DDX20: variants seen among roughly 807,000 people sequenced by gnomAD.
DDX20 encodes probable ATP-dependent RNA helicase DDX20.
A neutral mutation model predicts 76.4 loss-of-function variants in DDX20; 61 were observed. That is an observed-to-expected ratio of 0.80 (90% CI 0.65 to 0.99). DDX20 has a LOEUF of 0.99. Among genes scored for constraint, DDX20 ranks in the 50% least tolerant of loss-of-function variants. The pLI is 0.00. For missense variants in DDX20, 976 were observed against 996.8 expected (o/e 0.98, Z 0.28); for synonymous variants, 357 against 357.4 (o/e 1.00, Z 0.01).
At chr1:111,756,255 G>C (rs1663551113) in intron 1 of DDX20, 30 bp downstream of exon 1, 1 of 1,344,554 alleles carries the variant, frequency 7.4e-7, no homozygotes, top group East Asian at 2.9e-5. Flanking sequence ...ATAGGTCGGG[G>C]GGTGGGGTGG....
intron 3 of DDX20, 112 bp downstream of exon 3, chr1:111,759,680 G>C: frequency 1.6e-6 from 2 of 1,220,402 alleles, no homozygotes; most frequent in Non-Finnish European, 2.3e-6. Flanking sequence ...ATTTTGATTA[G>C]AAATGAAGAG....
At chr1:111,763,099 G>A (rs1350986548) in intron 10 of DDX20, 92 bp downstream of exon 10, 3 of 1,021,506 alleles carry the variant, frequency 2.9e-6, no homozygotes, top group South Asian at 1.5e-5. Context: ...TGCTTATGAT[G>A]TGCTGGGTAC....
chr1:111,761,902 A>G (rs1024380047), intron 7 of DDX20: 7 of 172,264 alleles, frequency 4.1e-5, no homozygotes, highest in Non-Finnish European at 8.6e-5. Context: ...TACTTAAACT[A>G]TAGATCACAC....
chr1:111,760,719 TC>T lies in DDX20; in HGVS notation c.696del (p.Leu233CysfsTer22), dbSNP rs780052461. ...TTTATTTTGCAGTTGGATTTATTCT[TC>T]CTTGCCTGCCAGTAAACAGATGCTG... ...FQEQINWIYS[S>X]LPASKQMLAV... is the part of the protein sequence containing the mutation. On this transcript the variant is annotated frameshift_variant, in exon 5 of 11. Transcript: ENST00000369702. LOFTEE classifies it high-confidence loss of function. 4 of 1,608,908 alleles carry T rather than the reference TC, an allele frequency of 2.5e-6. No individual in the cohort carries two copies. The South Asian group carries it at 4.5e-5, about 18-fold the overall frequency.
At position 111,761,212 on chromosome 1, in the gene DDX20, G is replaced by C. The variant is rs1161667386; in HGVS notation, c.963-14G>C. On this transcript the variant is annotated splice_polypyrimidine_tract_variant and intron_variant, in intron 6 of 10. Transcript: ENST00000369702. ...TATTTGTAAATTTGTAACCATTTAT[G>C]TTATATTTCATAGAGCACAACATTT... 1 of 1,612,674 alleles carries C rather than the reference G, an allele frequency of 6.2e-7. No homozygotes were observed. The highest frequency in any genetic ancestry group is 8.5e-7 in the Non-Finnish European group (1 of 1,179,454).
intron 8 of DDX20, 31 bp downstream of exon 8, chr1:111,762,368 T>C: frequency 6.5e-7 from 1 of 1,533,110 alleles, no homozygotes; most frequent in Middle Eastern, 1.7e-4. Flanking sequence ...GGGTGACTAA[T>C]CCATCTTGAC....
At chr1:111,765,711 A>T in intron 10 of DDX20, 26 bp from the exon 11 acceptor site, 2 of 1,534,936 alleles carry the variant, frequency 1.3e-6, no homozygotes, top group South Asian at 1.3e-5. Context: ...GAGAATTTTA[A>T]TACATTTTTC....
At position 111,760,310 on chromosome 1, in the gene DDX20, G is replaced by A; in HGVS notation, c.566-164G>A. On this transcript the variant is annotated intron_variant, in intron 3 of 10. Transcript: ENST00000369702. ...AACAATGAGTTTAGTCAAGATCAGA[G>A]CTCCAGATTTCTAATTTGTGGTTTA... is the stretch of plus-strand genomic sequence containing the variant. 1.7e-5 allele frequency: 9 copies of A among 527,308 alleles called. No individual in the cohort carries two copies. The South Asian group carries it at 2.3e-4, about 14-fold the overall frequency. The allele number at this position is 527,308 out of a possible 1,614,324, so 32.7% of individuals were successfully genotyped here.
In DDX20 at chr1:111,762,988, C is replaced by T. The variant is rs778559702; in HGVS notation, c.1293C>T (p.Ile431=). Residue 431 remains isoleucine (I), a synonymous_variant, in exon 10 of 11, where the codon ATC becomes ATT. Coordinates refer to ENST00000369702, the MANE Select transcript of DDX20 (RefSeq NM_007204.5). The part of the protein sequence containing the change: ...MMMRIAQKCN[I]NLLPLPDPIP... Reference sequence around the variant, plus strand: ...TGAGAATTGCCCAGAAATGTAATATCAACCTTCTCCCTTTACCAGGTACAT... The same window carrying T: ...TGAGAATTGCCCAGAAATGTAATATTAACCTTCTCCCTTTACCAGGTACAT... 1.2e-6 allele frequency: 2 copies of T among 1,612,420 alleles called. No individual in the cohort carries two copies. The highest frequency in any genetic ancestry group is 8.5e-7 in the Non-Finnish European group (1 of 1,178,544).
chr1:111,762,783 GT>G lies in DDX20; in HGVS notation c.1210+2del, dbSNP rs1663700724. ...CGGATTGGGAGAGCTGGCCGTTTTG[GT>G]AAAAAAAAAAAAAAAAGTTTGAGTG... On this transcript the variant is annotated splice_donor_variant, in intron 9 of 10. Coordinates refer to ENST00000369702, the MANE Select transcript of DDX20 (RefSeq NM_007204.5). LOFTEE classifies it high-confidence loss of function. 2 of 1,565,586 alleles carry G rather than the reference GT, an allele frequency of 1.3e-6. No individual in the cohort carries two copies. Among genetic ancestry groups the G allele is most frequent in the Admixed American group, 1.8e-5 (1 of 56,226 alleles).
At chr1:111,763,669 G>C (rs774542573) in intron 10 of DDX20, among the ~76,000 whole-genome samples, 5 of 152,098 alleles carry the variant, frequency 3.3e-5, no homozygotes, top group Non-Finnish European at 7.4e-5. Flanking sequence ...TACAAGGGGG[G>C]ATATTTTACC....
At chr1:111,760,952 A>C (rs754987460) in intron 5 of DDX20, 35 bp from the exon 6 acceptor site, 5 of 1,607,302 alleles carry the variant, frequency 3.1e-6, no homozygotes, top group Non-Finnish European at 3.4e-6. Flanking sequence ...CCATTAGCAT[A>C]TATATTTGTT....
At chr1:111,759,129 G>C (rs919783165) in intron 2 of DDX20, among the ~76,000 whole-genome samples, 20 of 152,188 alleles carry the variant, frequency 1.3e-4, no homozygotes, top group African/African-American at 4.8e-4. Flanking sequence ...TCTAGAGATG[G>C]TTTAAAATAT....
Position 111,761,116 on chromosome 1 carries a change from T to G in DDX20, c.953T>G (p.Leu318Trp). 1 of 1,613,494 alleles carries G rather than the reference T, an allele frequency of 6.2e-7. No individual in the cohort carries two copies. Among genetic ancestry groups the G allele is most frequent in the Non-Finnish European group, 8.5e-7 (1 of 1,179,756 alleles). The change falls in exon 6 of 11, where the codon TTG (leucine) becomes TGG (tryptophan). Residue 318 changes from leucine to tryptophan, a missense_variant. Physicochemically the swap from Leu to Trp is moderately conservative, Grantham distance 61. This residue lies in a region of DDX20 where 630 missense variants were observed against 693.7 expected (regional missense o/e 0.91). Transcript: ENST00000369702. Reference protein sequence around the residue: ...PFNQALVFSNLHSRAQHLADI... With the variant: ...PFNQALVFSNWHSRAQHLADI... The stretch of plus-strand genomic sequence containing the variant: ...AATCAAGCTTTAGTCTTTTCTAATT[T>G]GCACAGCAGGTAATGTAACTTAAAA...
chr1:111,756,323 C>G (rs1298075672), intron 1 of DDX20, 98 bp downstream of exon 1: 5 of 1,273,398 alleles, frequency 3.9e-6, no homozygotes, highest in Non-Finnish European at 4.1e-6. Context: ...CAGGAAGAGC[C>G]CTCGGTCGGC....
intron 1 of DDX20, 32 bp downstream of exon 1, chr1:111,756,257 G>T: frequency 2.2e-6 from 3 of 1,342,324 alleles, no homozygotes; most frequent in Non-Finnish European, 2.9e-6. Context: ...AGGTCGGGGG[G>T]TGGGGTGGGA....
In DDX20 at chr1:111,767,586, C is replaced by T. The variant is rs1452275130; in HGVS notation, c.*687C>T. On this transcript the variant is annotated 3_prime_UTR_variant, in exon 11 of 11. Transcript: ENST00000369702. ...ATAGCTGTGGGTCATCAGTTGCTGTCTTACTTGTGTTGCTCAGATAGAGGA... is the reference window on the plus strand; with the variant it reads ...ATAGCTGTGGGTCATCAGTTGCTGTTTTACTTGTGTTGCTCAGATAGAGGA... The T allele has an allele frequency of 7.2e-6, 1 of 139,434 alleles. No individual in the cohort carries two copies. The highest frequency in any genetic ancestry group is 2.2e-4 in the East Asian group (1 of 4,568). The allele number at this position is 139,434 out of a possible 1,614,324, so 8.6% of individuals were successfully genotyped here.
chr1:111,767,733 A>C lies in DDX20; in HGVS notation c.*834A>C, dbSNP rs1663811967. ...TTGTGAGTGTAATTTCAAGGGGTTC[A>C]TAGACCCTCTGAAGTTCATCTATAC... On this transcript the variant is annotated 3_prime_UTR_variant, in exon 11 of 11. Coordinates refer to ENST00000369702, the MANE Select transcript of DDX20 (RefSeq NM_007204.5). 6.6e-6 allele frequency: 1 copy of C among 152,216 alleles called. No homozygotes were observed. The highest frequency in any genetic ancestry group is 1.5e-5 in the Non-Finnish European group (1 of 68,036). The allele number at this position is 152,216 out of a possible 1,614,324, so 9.4% of individuals were successfully genotyped here.
chr1:111,756,263 T>TCCA, intron 1 of DDX20, 38 bp downstream of exon 1: 1 of 509,908 alleles, frequency 2.0e-6, no homozygotes, highest in Non-Finnish European at 2.7e-6. Flanking sequence ...GGGGGTGGGG[T>TCCA]GGGAGAAGGG....
Sources: allele counts gnomAD v4.1 joint callset (sites outside exome capture counted in the v4.1 genomes callset), GRCh38; gene constraint gnomAD v4.1.1; regional missense constraint gnomAD v4.1.1; transcripts MANE v1.5; gene names NCBI Gene and HGNC (gene_info 2026-07-23, HGNC 2026-07-21).